The following NIPBL variants were observed in gnomAD, a reference collection of about 807,000 sequenced individuals.
NIPBL encodes NIPBL cohesin loading factor, also known as nipped-B-like protein.
A neutral mutation model predicts 321.8 loss-of-function variants in NIPBL; 19 were observed. The observed-to-expected ratio is 0.06, with a 90% CI of 0.04 to 0.09. The LOEUF (loss-of-function observed/expected upper bound fraction) is 0.09, where lower values mean the gene tolerates loss of function less well. NIPBL is among the 10% of genes least tolerant of loss of function. The pLI, the probability that NIPBL is intolerant of heterozygous loss-of-function variation, is 1.00. For synonymous variants in NIPBL, 1,106 were observed against 1,114.1 expected (o/e 0.99, Z 0.14); for missense variants, 2,210 against 3,327.0 (o/e 0.66, Z 8.26).
chr5:36,968,095 C>CAAAAAAAAAAAAAAA (rs1194609840), intron 6 of NIPBL, among the ~76,000 whole-genome samples: 1 of 54,178 alleles, frequency 1.8e-5, no homozygotes, highest in South Asian at 7.3e-4. Flanking sequence ...GACTCTGTCT[C>CAAAAAAAAAAAAAAA]AAAAAAAAAA....
chr5:36,884,924 C>T (rs1209976496), intron 1 of NIPBL, among the ~76,000 whole-genome samples: 2 of 152,030 alleles, frequency 1.3e-5, no homozygotes, highest in Non-Finnish European at 2.9e-5. Context: ...CCTTTTTAAG[C>T]TGTTAATGAG....
At chr5:36,975,220 C>T (rs528798171) in intron 8 of NIPBL, among the ~76,000 whole-genome samples, 3 of 152,016 alleles carry the variant, frequency 2.0e-5, no homozygotes, top group African/African-American at 7.2e-5. Flanking sequence ...AATATTTTAC[C>T]ACCAGTTTTT....
chr5:36,945,728 T>G (rs1271765454), intron 1 of NIPBL, among the ~76,000 whole-genome samples: 1 of 152,278 alleles, frequency 6.6e-6, no homozygotes, highest in East Asian at 1.9e-4. Flanking sequence ...AAGTGAGAAT[T>G]TTTACAGTGC....
intron 1 of NIPBL, among the ~76,000 whole-genome samples, chr5:36,935,143 A>G (rs763642976): frequency 6.6e-6 from 1 of 152,088 alleles, no homozygotes; most frequent in Non-Finnish European, 1.5e-5. Flanking sequence ...GGGACTGGAA[A>G]ATAATTCAAA....
Position 37,010,201 on chromosome 5 carries a change from T to C in NIPBL, c.4536T>C (p.Asn1512=), listed in dbSNP as rs1747946623. 3 of 1,610,208 alleles carry C rather than the reference T, an allele frequency of 1.9e-6. No individual in the cohort carries two copies. The highest frequency in any genetic ancestry group is 2.5e-6 in the Non-Finnish European group (3 of 1,176,724). ...TACCATCATCAGAGAAGGACTCTAA[T>C]GCAGAAGAAGATTCAAATAAAAAAG... ...VHLPSSEKDS[N]AEEDSNKKID... is the part of the protein sequence containing the mutation. Residue 1512 remains asparagine (N), a synonymous_variant, in exon 21 of 47, where the codon AAT becomes AAC. Transcript: ENST00000282516.
At position 36,996,033 on chromosome 5, in the gene NIPBL, G is replaced by A; in HGVS notation, c.3304+229G>A. Among the ~76,000 whole-genome samples the A allele has an allele frequency of 6.6e-6, 1 of 152,114 alleles. No individual in the cohort carries two copies. The highest frequency in any genetic ancestry group is 1.5e-5 in the Non-Finnish European group (1 of 68,018). ...ACAATTAATTTTAAAACACAGGTAG[G>A]TATGTGTCTGTATGCATTCAGCAAA... On this transcript the variant is annotated intron_variant, in intron 11 of 46. Transcript: ENST00000282516. The surrounding 1 kb of genome is among the most constrained non-coding windows in gnomAD (Gnocchi z 5.0).
chr5:36,901,694 A>T (rs144115952), intron 1 of NIPBL, among the ~76,000 whole-genome samples: 1 of 152,058 alleles, frequency 6.6e-6, no homozygotes, highest in Admixed American at 6.6e-5. Context: ...TTTTTAGTAG[A>T]GAGGGGGTTT....
At chr5:37,018,646 A>G (rs994588952) in intron 24 of NIPBL, among the ~76,000 whole-genome samples, 3 of 152,140 alleles carry the variant, frequency 2.0e-5, no homozygotes, top group African/African-American at 4.8e-5. Flanking sequence ...ATTGCCATGT[A>G]TGGCTATGTT....
At chr5:36,993,391 A>G (rs1346863544) in intron 10 of NIPBL, among the ~76,000 whole-genome samples, 1 of 152,160 alleles carries the variant, frequency 6.6e-6, no homozygotes, top group Non-Finnish European at 1.5e-5. Flanking sequence ...GAAAGGGTAA[A>G]CTACTGTTGA....
chr5:37,020,482 C>G lies in NIPBL; in HGVS notation c.5034C>G (p.Ala1678=), dbSNP rs912979779. 1 of 1,612,586 alleles carries G rather than the reference C, an allele frequency of 6.2e-7. No homozygotes were observed. The highest frequency in any genetic ancestry group is 8.5e-7 in the Non-Finnish European group (1 of 1,178,796). The part of the protein sequence containing the change: ...SLVFSRKFYI[A]QWFRDTTLET... ...AGTTTTCTCGTAAATTCTATATAGCCCAGTGGTTTCGAGACACAACTCTGG... is the reference window on the plus strand; with the variant it reads ...AGTTTTCTCGTAAATTCTATATAGCGCAGTGGTTTCGAGACACAACTCTGG... Residue 1678 remains alanine, a synonymous_variant, in exon 26 of 47, where the codon GCC becomes GCG. Transcript: ENST00000282516.
intron 4 of NIPBL, among the ~76,000 whole-genome samples, chr5:36,959,034 T>C (rs867228204): frequency 4.6e-5 from 7 of 151,996 alleles, no homozygotes; most frequent in Non-Finnish European, 1.0e-4. Flanking sequence ...GGTGAAAACC[T>C]GTCTCTACAA....
chr5:36,990,073 C>T (rs774426179), intron 10 of NIPBL, among the ~76,000 whole-genome samples: 7 of 151,922 alleles, frequency 4.6e-5, no homozygotes, highest in Non-Finnish European at 1.0e-4. Flanking sequence ...GGACTCAGTG[C>T]TTTCAAGAAA....
intron 1 of NIPBL, among the ~76,000 whole-genome samples, chr5:36,910,568 C>G (rs1336354708): frequency 3.3e-5 from 5 of 152,164 alleles, no homozygotes; most frequent in Non-Finnish European, 7.3e-5. Context: ...ATTATAGTAG[C>G]CTGTGAAGCT....
chr5:36,878,648 G>A (rs1172358728), intron 1 of NIPBL, among the ~76,000 whole-genome samples: 2 of 152,184 alleles, frequency 1.3e-5, no homozygotes, highest in African/African-American at 4.8e-5. Flanking sequence ...AAGTTATTTT[G>A]TGGAGGTTAT....
At chr5:36,886,532 A>AGG in intron 1 of NIPBL, 1 of 706,994 alleles carries the variant, frequency 1.4e-6, no homozygotes, top group East Asian at 2.6e-5. Context: ...GGGGAGCAGG[A>AGG]GGCCCATAAA....
chr5:36,956,009 C>G (rs1009790021), intron 3 of NIPBL, among the ~76,000 whole-genome samples: 2 of 147,364 alleles, frequency 1.4e-5, no homozygotes, highest in East Asian at 4.0e-4. Flanking sequence ...ATCACGAGAT[C>G]AAGAGATTGA....
At chr5:37,003,695 TCA>T (rs1561142378) in intron 16 of NIPBL, among the ~76,000 whole-genome samples, 1 of 142,188 alleles carries the variant, frequency 7.0e-6, no homozygotes, top group African/African-American at 2.9e-5. Context: ...CAAATGACTC[TCA>T]TGTGGGGGAA....
intron 1 of NIPBL, among the ~76,000 whole-genome samples, chr5:36,877,670 T>C (rs1383917786): frequency 1.3e-5 from 2 of 152,214 alleles, no homozygotes; most frequent in Non-Finnish European, 2.9e-5. Flanking sequence ...TTCTTCCCCC[T>C]GTGACCCCAT....
At chr5:36,953,853 A>AAG in intron 2 of NIPBL, 93 bp downstream of exon 2, 1 of 1,128,594 alleles carries the variant, frequency 8.9e-7, no homozygotes, top group Non-Finnish European at 1.3e-6. Context: ...AGGTTCTTTA[A>AAG]AACACATTTA....
Sources: gnomAD v4.1 joint callset for allele counts (sites outside exome capture counted in the v4.1 genomes callset) on GRCh38, gnomAD v4.1.1 for gene constraint, Gnocchi (gnomAD v3.1) non-coding constraint, MANE v1.5 for transcripts, NCBI Gene and HGNC (gene_info 2026-07-23, HGNC 2026-07-21) for gene names.